The following BRAT1 variants were observed in gnomAD, a reference collection of about 807,000 sequenced individuals.
BRAT1 encodes the protein BRCA1 associated ATM activator 1, also known as integrator complex assembly factor BRAT1.
In BRAT1, 74 loss-of-function variants were observed where a neutral mutation model predicts 70.6. The observed-to-expected ratio is 1.05, with a 90% CI of 0.87 to 1.27. The LOEUF (loss-of-function observed/expected upper bound fraction) is 1.27, where lower values mean the gene tolerates loss of function less well. BRAT1 is among the 50% of genes most tolerant of loss of function. The pLI, the probability that BRAT1 is intolerant of heterozygous loss-of-function variation, is 0.00. For missense variants in BRAT1, 1,203 were observed against 1,098.2 expected, an observed-to-expected ratio of 1.10 and a Z score of -1.35; for synonymous variants, 615 against 517.1, an observed-to-expected ratio of 1.19 and a Z score of -2.57.
At position 2,547,304 on chromosome 7, in the gene BRAT1, G is replaced by A; in HGVS notation, c.282+20C>T. The A allele has an allele frequency of 6.2e-7, 1 of 1,613,032 alleles. No homozygotes were observed. Among genetic ancestry groups the A allele is most frequent in the Non-Finnish European group, 8.5e-7 (1 of 1,179,114 alleles). On this transcript the variant is annotated intron_variant, in intron 3 of 13. Coordinates refer to ENST00000340611, the MANE Select transcript of BRAT1 (RefSeq NM_152743.4). Reference sequence around the variant, plus strand: ...GCCCACCTCTCCACGGGACACTCAGGTGGGAGGCCCCAGGCTCACCTGAAG... The same window carrying A: ...GCCCACCTCTCCACGGGACACTCAGATGGGAGGCCCCAGGCTCACCTGAAG...
rs1266501887 is a variant in BRAT1, at chr7:2,544,842, G to A, written c.430+67C>T. 5 of 1,529,530 alleles carry A rather than the reference G, an allele frequency of 3.3e-6. No homozygotes were observed. In the East Asian group the frequency reaches 1.2e-4, roughly 38 times the overall value. 94.7% of individuals were successfully genotyped at this position (1,529,530 alleles called of 1,614,324 possible). ...CAGACCAGACACTCAGATTCAGCAA[G>A]GTGCAGTGAATTCCCTGGGATCACA... On this transcript the variant is annotated intron_variant, in intron 4 of 13. Coordinates refer to ENST00000340611, the MANE Select transcript of BRAT1 (RefSeq NM_152743.4).
Position 2,538,610 on chromosome 7 carries a change from G to A in BRAT1, c.1925C>T (p.Ala642Val), listed in dbSNP as rs200502048. 2 of 1,585,472 alleles carry A rather than the reference G, an allele frequency of 1.3e-6. No homozygotes were observed. Among genetic ancestry groups the A allele is most frequent in the East Asian group, 2.3e-5 (1 of 43,682 alleles). ...EQFVATVLQA[A>V]SRDLDWEVRA... is the part of the protein sequence containing the mutation. ...GACCTCCCAGTCCAGGTCTCGGCTC[G>A]CCGCCTGCAGCACAGTGGCCACGAA... The change falls in exon 14 of 14, where the codon GCG becomes GTG. Residue 642 changes from alanine (A) to valine (V), a missense_variant. Transcript: ENST00000340611.
chr7:2,539,444 G>T, intron 12 of BRAT1, 93 bp from the exon 13 acceptor site: 2 of 1,508,456 alleles, frequency 1.3e-6, no homozygotes, highest in Non-Finnish European at 1.8e-6. Flanking sequence ...CAGCCGACAT[G>T]GCCCAAGTTT....
Position 2,538,538 on chromosome 7 carries a change from A to G in BRAT1, c.1997T>C (p.Leu666Ser), listed in dbSNP as rs1778870313. 1.2e-6 allele frequency: 2 copies of G among 1,604,230 alleles called. No individual in the cohort carries two copies. The highest frequency in any genetic ancestry group is 1.7e-6 in the Non-Finnish European group (2 of 1,178,404). ...GGGGCAGTGGGTACGCGGCGGCCCC[A>G]AAGTCTGGCCCAGGAACACGAGGGC... ...ELALVFLGQT[L>S]GPPRTHCPYA... is the part of the protein sequence containing the mutation. The change falls in exon 14 of 14, where the codon TTG becomes TCG. Residue 666 changes from leucine (L) to serine (S), a missense_variant. By Grantham distance (145) the Leu-to-Ser change is moderately radical. Coordinates refer to ENST00000340611, the MANE Select transcript of BRAT1 (RefSeq NM_152743.4).
Position 2,543,603 on chromosome 7 carries a change from G to A in BRAT1, c.790C>T (p.Leu264Phe). The A allele has an allele frequency of 6.6e-7, 1 of 1,520,382 alleles. No homozygotes were observed. Among genetic ancestry groups the A allele is most frequent in the Non-Finnish European group, 8.8e-7 (1 of 1,131,674 alleles). The allele number at this position is 1,520,382 out of a possible 1,614,324, so 94.2% of individuals were successfully genotyped here. A position where few individuals can be genotyped will look rare whatever the true frequency, so the allele number is the denominator to read the frequency against. The change falls in exon 5 of 14, where the codon CTC becomes TTC. Residue 264 changes from leucine (L) to phenylalanine (F), a missense_variant. Physicochemically the swap from Leu to Phe is conservative, Grantham distance 22. Transcript: ENST00000340611. The surrounding 1 kb of genome is among the most constrained non-coding windows in gnomAD (Gnocchi z 5.5). The part of the protein sequence containing the change: ...PAAHSFVDLL[L>F]CVARSPVFSS... The stretch of plus-strand genomic sequence containing the variant: ...CGGGGCCCTGACCGAGCCACACAGA[G>A]AAGCAGGTCCACGAACGAGTGTGCG...
intron 3 of BRAT1, 106 bp downstream of exon 3, chr7:2,547,218 C>T (rs1189330017): frequency 1.1e-5 from 16 of 1,425,914 alleles, no homozygotes; most frequent in East Asian, 2.3e-5. Flanking sequence ...CGGGGCAGGC[C>T]GCTGGGACTT....
At chr7:2,539,495 G>GAGCCCCCCACAGGCGGGGAAGGC in intron 12 of BRAT1, 49 bp downstream of exon 12, 1 of 1,514,612 alleles carries the variant, frequency 6.6e-7, no homozygotes, top group Non-Finnish European at 8.9e-7. Context: ...CTGGCTCAGT[G>GAGCCCCCCACAGGCGGGGAAGGC]AGCCCCCCAC....
chr7:2,543,309 C>G lies in BRAT1; in HGVS notation c.818G>C (p.Ser273Thr). Residue 273 changes from serine (S) to threonine (T), a missense_variant, in exon 6 of 14, where the codon AGT becomes ACT. Ser to Thr is a moderately conservative substitution (Grantham distance 58, BLOSUM62 1). Transcript: ENST00000340611. The surrounding 1 kb of genome is among the most constrained non-coding windows in gnomAD (Gnocchi z 5.5). ...LLCVARSPVF[S>T]SSDGSLWETV... ...CTCCCACAGGCTGCCGTCGGAAGAACTGAACACGGGAGAACTGCAGGGAGA... is the reference window on the plus strand; with the variant it reads ...CTCCCACAGGCTGCCGTCGGAAGAAGTGAACACGGGAGAACTGCAGGGAGA... 3.1e-6 allele frequency: 5 copies of G among 1,606,724 alleles called. No individual in the cohort carries two copies. The highest frequency in any genetic ancestry group is 1.1e-5 in the South Asian group (1 of 90,566).
At chr7:2,544,008 A>C in intron 4 of BRAT1, 46 bp from the exon 5 acceptor site, 5 of 1,459,142 alleles carry the variant, frequency 3.4e-6, no homozygotes, top group African/African-American at 1.4e-5. Flanking sequence ...GTGAGCCAGA[A>C]TAGAGCTGGG....
chr7:2,543,602 A>C lies in BRAT1; in HGVS notation c.791T>G (p.Leu264Arg), dbSNP rs1282257129. The C allele has an allele frequency of 4.6e-6, 7 of 1,519,304 alleles. No homozygotes were observed. Among genetic ancestry groups the C allele is most frequent in the Non-Finnish European group, 6.2e-6 (7 of 1,131,166 alleles). The allele number at this position is 1,519,304 out of a possible 1,614,324, so 94.1% of individuals were successfully genotyped here. Residue 264 changes from leucine to arginine, a missense_variant, in exon 5 of 14, where the codon CTC becomes CGC. Coordinates refer to ENST00000340611, the MANE Select transcript of BRAT1 (RefSeq NM_152743.4). This position sits in a 1 kb window ranked among gnomAD's most constrained non-coding sequence, Gnocchi z 5.5. ...PAAHSFVDLL[L>R]CVARSPVFSS... The stretch of plus-strand genomic sequence containing the variant: ...CCGGGGCCCTGACCGAGCCACACAG[A>C]GAAGCAGGTCCACGAACGAGTGTGC...
intron 2 of BRAT1, among the ~76,000 whole-genome samples, chr7:2,548,022 T>C (rs1408738860): frequency 6.8e-6 from 1 of 147,164 alleles, no homozygotes; most frequent in Non-Finnish European, 1.5e-5. Flanking sequence ...AGGCAGAGGC[T>C]GCAGTGAGCC....
chr7:2,543,521 AT>A lies in BRAT1; in HGVS notation c.803+68del. 6.7e-7 allele frequency: 1 copy of A among 1,489,880 alleles called. No homozygotes were observed. Among genetic ancestry groups the A allele is most frequent in the South Asian group, 1.4e-5 (1 of 72,700 alleles). 92.3% of individuals were successfully genotyped at this position (1,489,880 alleles called of 1,614,324 possible). A position where few individuals can be genotyped will look rare whatever the true frequency, so the allele number is the denominator to read the frequency against. On this transcript the variant is annotated intron_variant, in intron 5 of 13. Transcript: ENST00000340611. The surrounding 1 kb of genome is among the most constrained non-coding windows in gnomAD (Gnocchi z 5.5). The stretch of plus-strand genomic sequence containing the variant: ...GAGAGTCTCCGGCTGCCAGTGGGAC[AT>A]CCCTGGGCGTTATCCGAGGAAAACA...
At chr7:2,552,081 A>AAAATATATATATATATATATATAT (rs1554298077) in intron 2 of BRAT1, among the ~76,000 whole-genome samples, 1 of 23,382 alleles carries the variant, frequency 4.3e-5, no homozygotes, top group Non-Finnish European at 6.7e-5. Context: ...CATAGTCTTA[A>AAAATATATATATATATATATATAT]ATATATATAT....
chr7:2,543,848 C>G lies in BRAT1; in HGVS notation c.545G>C (p.Gly182Ala), dbSNP rs148598276. ...GTCACCCCCCGGCAGGCAGGGCTGC[C>G]CCTCGGCTCCACCTCGCATGGACAA... The part of the protein sequence containing the change: ...LALSMRGGAE[G>A]QPCLPGGDWP... The change falls in exon 5 of 14, where the codon GGG (glycine) becomes GCG (alanine). Residue 182 changes from glycine to alanine, a missense_variant. Gly to Ala is a moderately conservative substitution (Grantham distance 60). Transcript: ENST00000340611. This position sits in a 1 kb window ranked among gnomAD's most constrained non-coding sequence, Gnocchi z 5.5. 3.1e-6 allele frequency: 5 copies of G among 1,612,780 alleles called. No individual in the cohort carries two copies. The highest frequency in any genetic ancestry group is 4.2e-6 in the Non-Finnish European group (5 of 1,179,954).
rs1451616130 is a variant in BRAT1 at position 2,554,364 on chromosome 7, A to G, written c.68T>C (p.Val23Ala). The change falls in exon 2 of 14, where the codon GTG (valine) becomes GCG (alanine). Residue 23 changes from valine to alanine, a missense_variant. Transcript: ENST00000340611. The part of the protein sequence containing the change: ...CAVLVDPRQP[V>A]ADDTCLEKLL... ...CTTCTCCAAACAGGTGTCATCTGCCACCGGCTGCCTGGGATCTACCAGAAC... is the reference window on the plus strand; with the variant it reads ...CTTCTCCAAACAGGTGTCATCTGCCGCCGGCTGCCTGGGATCTACCAGAAC... 3 of 1,614,092 alleles carry G rather than the reference A, an allele frequency of 1.9e-6. No homozygotes were observed. The highest frequency in any genetic ancestry group is 2.5e-6 in the Non-Finnish European group (3 of 1,179,972).
intron 2 of BRAT1, among the ~76,000 whole-genome samples, chr7:2,552,154 A>G (rs1259586155): frequency 6.9e-5 from 7 of 101,222 alleles, no homozygotes; most frequent in Non-Finnish European, 1.1e-4. Flanking sequence ...GTCTCACTCC[A>G]TTGCCCTGGC....
In BRAT1 at chr7:2,541,763, G is replaced by A. The variant is rs765157437; in HGVS notation, c.1089C>T (p.Gly363=). The change falls in exon 8 of 14, where the codon GGC becomes GGT. Residue 363 remains glycine, a synonymous_variant. Transcript: ENST00000340611. ...TLLASKSSCA[G]LLCRTLAHLE... ...GGTGAGCCAGGGTGCGGCACAGGAG[G>A]CCGGCGCAGGACGACTTGGAGGCCA... 10 of 1,612,186 alleles carry A rather than the reference G, an allele frequency of 6.2e-6. No homozygotes were observed. The East Asian group carries it at 1.1e-4, about 18-fold the overall frequency.
intron 9 of BRAT1, 62 bp downstream of exon 9, chr7:2,541,236 G>A: frequency 1.3e-6 from 2 of 1,513,628 alleles, no homozygotes; most frequent in African/African-American, 1.4e-5. Flanking sequence ...GTGCCTCCGA[G>A]CAGAAAGGAG....
In BRAT1 at chr7:2,541,453, G is replaced by C. The variant is rs773651855; in HGVS notation, c.1166C>G (p.Ser389Cys). The change falls in exon 9 of 14, where the codon TCT becomes TGT. Residue 389 changes from serine (S) to cysteine (C), a missense_variant. Transcript: ENST00000340611. ...PQRPSPWPQA[S>C]LLGATVTVLR... ...GACAGTCACTGTAGCCCCCAGTAGAGACGCCTGGGGCCACGGTGAAGGGCG... is the reference window on the plus strand; with the variant it reads ...GACAGTCACTGTAGCCCCCAGTAGACACGCCTGGGGCCACGGTGAAGGGCG... 5.8e-6 allele frequency: 9 copies of C among 1,561,864 alleles called. No individual in the cohort carries two copies. In the South Asian group the frequency reaches 5.8e-5, roughly 10 times the overall value.
Sources: gnomAD v4.1 joint callset for allele counts (sites outside exome capture counted in the v4.1 genomes callset) on GRCh38, gnomAD v4.1.1 for gene constraint, Gnocchi (gnomAD v3.1) non-coding constraint, MANE v1.5 for transcripts, NCBI Gene and HGNC (gene_info 2026-07-23, HGNC 2026-07-21) for gene names.